The following RFX2 variants were observed in gnomAD, a reference collection of about 807,000 sequenced individuals.
RFX2 encodes the protein DNA-binding protein RFX2.
A neutral mutation model predicts 87.8 loss-of-function variants in RFX2; 20 were observed. That is an observed-to-expected ratio of 0.23 (90% CI 0.16 to 0.33). The LOEUF is 0.33. Among genes scored for constraint, RFX2 ranks in the 10% least tolerant of loss-of-function variants. The pLI is 1.00. For synonymous variants in RFX2, 397 were observed against 431.3 expected (o/e 0.92, Z 0.98); for missense variants, 767 against 1,012.3 (o/e 0.76, Z 3.29).
At chr19:6,092,355 G>A (rs1352592769) in intron 1 of RFX2, among the ~76,000 whole-genome samples, 1 of 152,212 alleles carries the variant, frequency 6.6e-6, no homozygotes, top group Non-Finnish European at 1.5e-5. Flanking sequence ...AATGACCCAA[G>A]AAAGCAGCTT....
chr19:6,065,901 A>G (rs1248987316), intron 1 of RFX2, among the ~76,000 whole-genome samples: 2 of 150,324 alleles, frequency 1.3e-5, no homozygotes, highest in African/African-American at 4.9e-5. Flanking sequence ...GTCAGATTGC[A>G]CTCGAGATGA....
At chr19:6,015,149 C>G (rs557011677) in intron 7 of RFX2, among the ~76,000 whole-genome samples, 1 of 152,208 alleles carries the variant, frequency 6.6e-6, no homozygotes, top group East Asian at 1.9e-4. Flanking sequence ...ACCAAGAGGC[C>G]GGGCACAGTG....
Position 5,994,747 on chromosome 19 carries a change from A to G in RFX2, c.*88T>C. The G allele has an allele frequency of 1.2e-6, 1 of 820,634 alleles. No individual in the cohort carries two copies. Among genetic ancestry groups the G allele is most frequent in the South Asian group, 1.5e-5 (1 of 68,380 alleles). The allele number at this position is 820,634 out of a possible 1,614,324, so 50.8% of individuals were successfully genotyped here. On this transcript the variant is annotated 3_prime_UTR_variant, in exon 18 of 18. Coordinates refer to ENST00000303657, the MANE Select transcript of RFX2 (RefSeq NM_000635.4). The stretch of plus-strand genomic sequence containing the variant: ...GTAAACATCACATCATCTAAGAGGC[A>G]CTAATTTGGTGGAGCCGGTGAAATC...
At chr19:6,067,521 C>T (rs1003556420) in intron 1 of RFX2, among the ~76,000 whole-genome samples, 1 of 152,140 alleles carries the variant, frequency 6.6e-6, no homozygotes, top group Admixed American at 6.5e-5. Flanking sequence ...CACATATCTC[C>T]GGAAAGAGGA....
At chr19:6,048,775 A>G (rs1310331889) in intron 1 of RFX2, among the ~76,000 whole-genome samples, 2 of 152,196 alleles carry the variant, frequency 1.3e-5, no homozygotes, top group Non-Finnish European at 2.9e-5. Context: ...TAATTTACCT[A>G]AGGAAAGCAG....
chr19:6,076,438 A>G (rs1486613303), intron 1 of RFX2, among the ~76,000 whole-genome samples: 3 of 152,220 alleles, frequency 2.0e-5, no homozygotes, highest in Non-Finnish European at 4.4e-5. Context: ...ACAGGAGGCT[A>G]GGCGAGGGTG....
rs1299012498 is a variant in RFX2, at chr19:6,052,029, C to A, written c.-8-4525G>T. Among the ~76,000 whole-genome samples, 64 of 152,122 alleles carry A rather than the reference C, an allele frequency of 4.2e-4. 1 individual carries two copies. Among genetic ancestry groups the A allele is most frequent in the Non-Finnish European group, 2.9e-5 (2 of 68,018 alleles). On this transcript the variant is annotated intron_variant, in intron 1 of 17. Transcript: ENST00000303657. ...AGTAGCTGGGACTACAGGTGCCCGC[C>A]ATCACACCAGGCTAATATTTGTATT...
At chr19:6,072,930 G>A in intron 1 of RFX2, 1 of 836,026 alleles carries the variant, frequency 1.2e-6, no homozygotes. Context: ...GTAACTGGAG[G>A]AAACCCAGAG....
chr19:6,017,120 T>G lies in RFX2; in HGVS notation c.598-849A>C, dbSNP rs1389983898. ...AAGTCAAAAGGCAGGACATAGCTAC[T>G]TGGGAGGCTGAGGTGGGAGGATTGC... is the stretch of plus-strand genomic sequence containing the variant. On this transcript the variant is annotated intron_variant, in intron 6 of 17. Transcript: ENST00000303657. This position sits in a 1 kb window ranked among gnomAD's most constrained non-coding sequence, Gnocchi z 4.1. Among the ~76,000 whole-genome samples, 1 of 152,156 alleles carries G rather than the reference T, an allele frequency of 6.6e-6. No homozygotes were observed. Among genetic ancestry groups the G allele is most frequent in the Non-Finnish European group, 1.5e-5 (1 of 68,026 alleles).
Position 6,024,670 on chromosome 19 carries a change from G to A in RFX2, c.597+1493C>T, listed in dbSNP as rs1040203083. Among the ~76,000 whole-genome samples, 2 of 152,038 alleles carry A rather than the reference G, an allele frequency of 1.3e-5. No individual in the cohort carries two copies. Among genetic ancestry groups the A allele is most frequent in the East Asian group, 1.9e-4 (1 of 5,166 alleles). ...GAATCACTCACTGCCTTTTGATAACGCCTCATTTTACACATCGGCCAGCAC... is the reference window on the plus strand; with the variant it reads ...GAATCACTCACTGCCTTTTGATAACACCTCATTTTACACATCGGCCAGCAC... On this transcript the variant is annotated intron_variant, in intron 6 of 17. Transcript: ENST00000303657. This position sits in a 1 kb window ranked among gnomAD's most constrained non-coding sequence, Gnocchi z 5.0.
Position 6,044,161 on chromosome 19 carries a change from G to T in RFX2, c.180+32C>A, listed in dbSNP as rs770821647. 7.4e-7 allele frequency: 1 copy of T among 1,348,888 alleles called. No homozygotes were observed. Among genetic ancestry groups the T allele is most frequent in the Non-Finnish European group, 9.8e-7 (1 of 1,021,736 alleles). 83.6% of individuals were successfully genotyped at this position (1,348,888 alleles called of 1,614,324 possible). A position where few individuals can be genotyped will look rare whatever the true frequency, so the allele number is the denominator to read the frequency against. ...GATTGCTGAGTGCTAACTGCGCCCC[G>T]GTTTGCACGGTGCTGCGGTGCTTGT... On this transcript the variant is annotated intron_variant, in intron 3 of 17. Coordinates refer to ENST00000303657, the MANE Select transcript of RFX2 (RefSeq NM_000635.4). The surrounding 1 kb of genome is among the most constrained non-coding windows in gnomAD (Gnocchi z 5.3).
At chr19:6,098,037 T>C (rs1286666939) in intron 1 of RFX2, among the ~76,000 whole-genome samples, 1 of 152,198 alleles carries the variant, frequency 6.6e-6, no homozygotes, top group Non-Finnish European at 1.5e-5. Flanking sequence ...CTTTCTTCTT[T>C]TCTTATACAA....
intron 1 of RFX2, among the ~76,000 whole-genome samples, chr19:6,052,728 C>T (rs189946451): frequency 6.6e-6 from 1 of 152,126 alleles, no homozygotes; most frequent in East Asian, 1.9e-4. Flanking sequence ...AATTAGAAAT[C>T]AGTAAGAAGG....
chr19:6,104,125 G>C (rs2088172050), intron 1 of RFX2, among the ~76,000 whole-genome samples: 2 of 152,012 alleles, frequency 1.3e-5, no homozygotes, highest in South Asian at 2.1e-4. Context: ...GTGCCCCAAA[G>C]CCCTGGTCTG....
At chr19:6,090,923 T>C (rs1195581872) in intron 1 of RFX2, among the ~76,000 whole-genome samples, 1 of 152,194 alleles carries the variant, frequency 6.6e-6, no homozygotes, top group African/African-American at 2.4e-5. Context: ...TATATTTATA[T>C]ACACACAAGT....
At position 6,040,200 on chromosome 19, in the gene RFX2, G is replaced by A. The variant is rs774567319; in HGVS notation, c.302C>T (p.Ala101Val). The A allele has an allele frequency of 6.3e-7, 1 of 1,589,314 alleles. No individual in the cohort carries two copies. ...YTYNPEPQMY[A>V]PSSTASYFEA... ...GAAGTAAGAAGCCGTGCTGCTGGGG[G>A]CGTACATCTGAGGCTCGGGGTTGTA... Residue 101 changes from alanine to valine, a missense_variant, in exon 5 of 18, where the codon GCC (alanine) becomes GTC (valine). Physicochemically the swap from Ala to Val is moderately conservative, Grantham distance 64. This residue lies in a region of RFX2 where 146 missense variants were observed against 139.2 expected (regional missense o/e 1.05). Transcript: ENST00000303657. The surrounding 1 kb of genome is among the most constrained non-coding windows in gnomAD (Gnocchi z 6.1).
intron 1 of RFX2, among the ~76,000 whole-genome samples, chr19:6,103,607 T>C (rs865878749): frequency 2.0e-5 from 3 of 152,264 alleles, no homozygotes; most frequent in Middle Eastern, 3.4e-3. Context: ...CCAAAACTCA[T>C]CATAAATGTG....
chr19:5,995,524 G>T, intron 17 of RFX2, 77 bp downstream of exon 17: 1 of 1,402,580 alleles, frequency 7.1e-7, no homozygotes, highest in Non-Finnish European at 9.9e-7. Flanking sequence ...TTCATCATGA[G>T]ATGGGGCAGA....
rs1196349700 is a variant in RFX2 at position 6,040,183 on chromosome 19, A to G, written c.319T>C (p.Ser107Pro). 1 of 1,597,520 alleles carries G rather than the reference A, an allele frequency of 6.3e-7. No homozygotes were observed. The highest frequency in any genetic ancestry group is 2.3e-5 in the East Asian group (1 of 44,396). ...PQMYAPSSTA[S>P]YFEAPGGAQV... Reference sequence around the variant, plus strand: ...GCACCGCCTGGGGCCTCGAAGTAAGAAGCCGTGCTGCTGGGGGCGTACATC... The same window carrying G: ...GCACCGCCTGGGGCCTCGAAGTAAGGAGCCGTGCTGCTGGGGGCGTACATC... The change falls in exon 5 of 18, where the codon TCT (serine) becomes CCT (proline). Residue 107 changes from serine (S) to proline (P), a missense_variant. Around this residue, in one of 2 missense-constraint regions of RFX2, gnomAD observed 621 missense variants for 873.0 expected, o/e 0.71. Transcript: ENST00000303657. This position sits in a 1 kb window ranked among gnomAD's most constrained non-coding sequence, Gnocchi z 6.1.
Sources: allele counts gnomAD v4.1 joint callset (sites outside exome capture counted in the v4.1 genomes callset), GRCh38; gene constraint gnomAD v4.1.1; regional missense constraint gnomAD v4.1.1; non-coding constraint Gnocchi (gnomAD v3.1); transcripts MANE v1.5; gene names NCBI Gene and HGNC (gene_info 2026-07-23, HGNC 2026-07-21).